Variants in OPRM1 observed in about 807,000 individuals in gnomAD.
OPRM1 encodes opioid receptor mu 1, also known as mu-type opioid receptor.
A neutral mutation model predicts 31.8 loss-of-function variants in OPRM1; 27 were observed. That is an observed-to-expected ratio of 0.85 (90% CI 0.63 to 1.17). OPRM1 has a LOEUF of 1.17. Ranked by LOEUF, OPRM1 falls within the 50% of genes most tolerant of loss-of-function variation. The pLI, the probability that OPRM1 is intolerant of heterozygous loss-of-function variation, is 0.00. For synonymous variants in OPRM1, 196 were observed against 189.9 expected (o/e 1.03, Z -0.26); for missense variants, 536 against 511.1 (o/e 1.05, Z -0.47).
upstream of OPRM1, among the ~76,000 whole-genome samples, chr6:154,038,616 A>G (rs1779467584): frequency 6.6e-6 from 1 of 152,216 alleles, no homozygotes; most frequent in African/African-American, 2.4e-5. Flanking sequence ...AAACAGGTCT[A>G]TGAGATTTAA....
intron 1 of OPRM1, among the ~76,000 whole-genome samples, chr6:154,057,360 T>C (rs1263638183): frequency 1.3e-5 from 2 of 152,234 alleles, no homozygotes; most frequent in African/African-American, 4.8e-5. Context: ...TAAACAATTT[T>C]ACCAGTTAAT....
chr6:154,034,793 A>T (rs919687303), upstream of OPRM1, among the ~76,000 whole-genome samples: 1 of 152,170 alleles, frequency 6.6e-6, no homozygotes, highest in African/African-American at 2.4e-5. Flanking sequence ...CTGGAAATTG[A>T]AGAGCAAGAC....
intron 3 of OPRM1, among the ~76,000 whole-genome samples, chr6:154,235,602 A>G (rs1053754532): frequency 6.6e-5 from 10 of 152,068 alleles, no homozygotes; most frequent in African/African-American, 2.4e-4. Context: ...TACAACACAT[A>G]ATCTTGCCTT....
chr6:154,173,760 C>A (rs140066813), intron 3 of OPRM1, among the ~76,000 whole-genome samples: 6,277 of 152,172 alleles, frequency 0.041, 430 homozygotes, highest in African/African-American at 0.14. Flanking sequence ...AGGATATTAT[C>A]CAGGAGAACT....
At position 154,083,885 on chromosome 6, in the gene OPRM1, A is replaced by T. The variant is rs1364637751; in HGVS notation, c.291-5941A>T. ...CGTGAACCCGGGAGGCGGAGCTTGC[A>T]GTGAGCCGAGATCGCGCCACTGCAC... On this transcript the variant is annotated intron_variant, in intron 1 of 3. Coordinates refer to ENST00000330432, the MANE Select transcript of OPRM1 (RefSeq NM_000914.5). Among the ~76,000 whole-genome samples the T allele has an allele frequency of 1.4e-5, 2 of 138,466 alleles. 1 individual carries two copies. Among genetic ancestry groups the T allele is most frequent in the South Asian group, 4.9e-4 (2 of 4,094 alleles). 90.8% of individuals were successfully genotyped at this position (138,466 alleles called of 152,430 possible). A position where few individuals can be genotyped will look rare whatever the true frequency, so the allele number is the denominator to read the frequency against.
chr6:154,014,608 G>T (rs942710390), intron 1 of OPRM1, among the ~76,000 whole-genome samples: 2 of 152,004 alleles, frequency 1.3e-5, no homozygotes, highest in East Asian at 3.9e-4. Context: ...GCTAAGCAGA[G>T]ATTTCACCAT....
At chr6:154,139,732 G>A (rs901445483) in intron 3 of OPRM1, among the ~76,000 whole-genome samples, 5 of 152,170 alleles carry the variant, frequency 3.3e-5, no homozygotes, top group Middle Eastern at 3.2e-3. Flanking sequence ...AGCAATCAGA[G>A]TGAAAGACAC....
intron 3 of OPRM1, among the ~76,000 whole-genome samples, chr6:154,245,525 T>C (rs1780959916): frequency 6.6e-6 from 1 of 152,194 alleles, no homozygotes; most frequent in Admixed American, 6.5e-5. Flanking sequence ...AACTAAAAAT[T>C]TGGCCCACAA....
chr6:154,025,632 T>C (rs902033069), intron 1 of OPRM1, among the ~76,000 whole-genome samples: 4 of 152,046 alleles, frequency 2.6e-5, no homozygotes, highest in African/African-American at 9.7e-5. Context: ...TGCCTTTCAG[T>C]GAAGGTAATT....
chr6:154,055,405 A>AC (rs201353934), intron 1 of OPRM1, among the ~76,000 whole-genome samples: 2,571 of 149,364 alleles, frequency 0.017, 67 homozygotes, highest in African/African-American at 0.055. Flanking sequence ...TAATGAATAA[A>AC]CAAAAAAAAA....
intron 3 of OPRM1, chr6:154,093,607 C>A: frequency 2.2e-6 from 3 of 1,350,446 alleles, no homozygotes; most frequent in Non-Finnish European, 3.0e-6. Flanking sequence ...AAAATACATC[C>A]AATTAGGCCT....
intron 1 of OPRM1, among the ~76,000 whole-genome samples, chr6:154,081,376 G>A (rs1789097112): frequency 6.6e-6 from 1 of 152,144 alleles, no homozygotes; most frequent in Non-Finnish European, 1.5e-5. Flanking sequence ...CGTGGTGGCG[G>A]GCGCCTGTAG....
rs1797502979 is a variant in OPRM1, at chr6:154,124,932, A to ATCTATTCAATCTATT, written c.*6211_*6212insTCTATTCAATCTATT. Among the ~76,000 whole-genome samples the ATCTATTCAATCTATT allele has an allele frequency of 6.6e-6, 1 of 152,218 alleles. No individual in the cohort carries two copies. Among genetic ancestry groups the ATCTATTCAATCTATT allele is most frequent in the Non-Finnish European group, 1.5e-5 (1 of 68,034 alleles). ...AAGCACTCAGACATTTTGTAGAGCAAGTAGCAATCTATTCAAAGTTGTAAA... is the reference window on the plus strand; with the variant it reads ...AAGCACTCAGACATTTTGTAGAGCAATCTATTCAATCTATTGTAGCAATCTATTCAAAGTTGTAAA... On this transcript the variant is annotated 3_prime_UTR_variant, in exon 4 of 4. Coordinates refer to ENST00000330432, the MANE Select transcript of OPRM1 (RefSeq NM_000914.5).
intron 1 of OPRM1, among the ~76,000 whole-genome samples, chr6:154,043,103 C>T (rs1780407451): frequency 6.6e-6 from 1 of 152,128 alleles, no homozygotes; most frequent in African/African-American, 2.4e-5. Context: ...TAGCTATGAA[C>T]ATGGTATGTA....
chr6:154,099,346 A>AGT (rs1554274951), intron 3 of OPRM1, among the ~76,000 whole-genome samples: 2 of 70,622 alleles, frequency 2.8e-5, no homozygotes, highest in Non-Finnish European at 3.0e-5. Context: ...GGAGGAAGAG[A>AGT]GCGAGAGAGA....
chr6:154,097,586 C>CGTGTGTGT lies in OPRM1; in HGVS notation c.1164+6130_1164+6137dup, dbSNP rs5881063. On this transcript the variant is annotated intron_variant, in intron 3 of 3. Coordinates refer to ENST00000330432, the MANE Select transcript of OPRM1 (RefSeq NM_000914.5). ...CTACAGTTTAAAAAGAAAATGGTTC[C>CGTGTGTGT]GTGTGTGTGTGTGTGTGTGTGTGCG... 1.5e-3 allele frequency among the ~76,000 whole-genome samples: 222 copies of CGTGTGTGT among 149,718 alleles called. 1 individual carries two copies. In the East Asian group the frequency reaches 0.021, roughly 14 times the overall value.
At chr6:154,138,784 C>T (rs1168352924) in intron 3 of OPRM1, among the ~76,000 whole-genome samples, 1 of 152,192 alleles carries the variant, frequency 6.6e-6, no homozygotes, top group Non-Finnish European at 1.5e-5. Context: ...TAACATTAGC[C>T]ACAAGATTAG....
chr6:154,183,092 G>C (rs1583730850), intron 3 of OPRM1, among the ~76,000 whole-genome samples: 1 of 151,966 alleles, frequency 6.6e-6, no homozygotes, highest in African/African-American at 2.4e-5. Context: ...TGATTCTCCT[G>C]CCTCAGCTTC....
At chr6:154,213,746 A>G (rs1055861912) in intron 3 of OPRM1, among the ~76,000 whole-genome samples, 3 of 152,188 alleles carry the variant, frequency 2.0e-5, no homozygotes, top group African/African-American at 7.2e-5. Flanking sequence ...AAAGCTACCG[A>G]CTGAGCTAAA....
Sources: gnomAD v4.1 joint callset for allele counts (sites outside exome capture counted in the v4.1 genomes callset) on GRCh38, gnomAD v4.1.1 for gene constraint, MANE v1.5 for transcripts, NCBI Gene and HGNC (gene_info 2026-07-23, HGNC 2026-07-21) for gene names.